The following PCBP3 variants were observed in gnomAD, a reference collection of about 807,000 sequenced individuals.
The protein encoded by PCBP3 is poly(rC)-binding protein 3.
A neutral mutation model predicts 52.7 loss-of-function variants in PCBP3; 25 were observed. The ratio of observed to expected loss-of-function variants is 0.47; its 90% CI spans 0.35 to 0.66. The LOEUF (loss-of-function observed/expected upper bound fraction) is 0.66. Among genes scored for constraint, PCBP3 ranks in the 30% least tolerant of loss-of-function variants. The pLI, the probability that PCBP3 is intolerant of heterozygous loss-of-function variation, is 0.01. For synonymous variants in PCBP3, 162 were observed against 183.0 expected (o/e 0.89, Z 0.93); for missense variants, 391 against 490.3 (o/e 0.80, Z 1.91).
intron 12 of PCBP3, 190 bp downstream of exon 12, chr21:45,914,215 C>T (rs925437337): frequency 4.5e-6 from 4 of 891,174 alleles, no homozygotes; most frequent in Non-Finnish European, 6.6e-6. Flanking sequence ...AGCGGCATTC[C>T]CCCACAGAGA....
chr21:45,823,175 A>G (rs139859542), intron 4 of PCBP3, among the ~76,000 whole-genome samples: 84 of 152,350 alleles, frequency 5.5e-4, no homozygotes, highest in African/African-American at 1.9e-3. Flanking sequence ...AACTGATTGT[A>G]CTGGCACCTT....
At chr21:45,899,532 C>A in intron 6 of PCBP3, 67 bp from the exon 7 acceptor site, 1 of 1,286,594 alleles carries the variant, frequency 7.8e-7, no homozygotes, top group Non-Finnish European at 1.1e-6. Context: ...TCGGTAGTGT[C>A]TGCCTCCAGT....
At chr21:45,931,399 C>A (rs1471062421) in intron 15 of PCBP3, among the ~76,000 whole-genome samples, 3 of 152,236 alleles carry the variant, frequency 2.0e-5, no homozygotes, top group Non-Finnish European at 4.4e-5. Context: ...GGTGGCCAGG[C>A]AGGTGTCCTG....
chr21:45,673,856 CTCTCT>C (rs2081313317), intron 2 of PCBP3: 1 of 152,176 alleles, frequency 6.6e-6, no homozygotes, highest in Admixed American at 6.5e-5. Context: ...GTGAGCATGT[CTCTCT>C]ATGAGTTTTA....
chr21:45,890,044 G>A (rs1239394363), intron 5 of PCBP3, among the ~76,000 whole-genome samples: 2 of 152,262 alleles, frequency 1.3e-5, no homozygotes, highest in Non-Finnish European at 2.9e-5. Context: ...CTTGGCCCAT[G>A]CCAGGGGCTG....
intron 2 of PCBP3, among the ~76,000 whole-genome samples, chr21:45,680,546 GTTTATC>G (rs1037367239): frequency 3.3e-5 from 5 of 152,222 alleles, no homozygotes; most frequent in Middle Eastern, 3.4e-3. Flanking sequence ...ATTTTTGTGT[GTTTATC>G]TTTAGTTTTA....
chr21:45,930,808 C>T lies in PCBP3; in HGVS notation c.819C>T (p.Ser273=), dbSNP rs1205537794. The change falls in exon 15 of 18, where the codon TCC becomes TCT. Residue 273 remains serine, a synonymous_variant. Coordinates refer to ENST00000681687, the MANE Select transcript of PCBP3 (RefSeq NM_001384156.1). ...AFPGEKLPLH[S]SEEAQNLMGQ... is the part of the protein sequence containing the mutation. ...CAGGAGAAAAGCTGCCTTTACACTC[C>T]TCCGAAGAAGCTCAAAATCTGATGG... 7.2e-6 allele frequency: 11 copies of T among 1,521,910 alleles called. No individual in the cohort carries two copies. The highest frequency in any genetic ancestry group is 2.7e-5 in the African/African-American group (2 of 73,294). The allele number at this position is 1,521,910 out of a possible 1,614,324, so 94.3% of individuals were successfully genotyped here. A position where few individuals can be genotyped will look rare whatever the true frequency, so the allele number is the denominator to read the frequency against.
intron 2 of PCBP3, among the ~76,000 whole-genome samples, chr21:45,684,905 T>C (rs758981366): frequency 3.2e-4 from 49 of 152,192 alleles, no homozygotes; most frequent in Admixed American, 1.4e-3. Context: ...GTGATTTACA[T>C]GAGGTTTGAT....
intron 4 of PCBP3, chr21:45,760,008 A>C (rs1319222634): frequency 1.3e-5 from 2 of 152,184 alleles, no homozygotes; most frequent in African/African-American, 4.8e-5. Context: ...ACATTCTATT[A>C]GGTTGGTGCA....
intron 1 of PCBP3, among the ~76,000 whole-genome samples, chr21:45,655,947 C>T (rs958530547): frequency 6.6e-6 from 1 of 152,164 alleles, no homozygotes; most frequent in Non-Finnish European, 1.5e-5. Flanking sequence ...AATGAGATAC[C>T]GTCTCACACC....
intron 1 of PCBP3, among the ~76,000 whole-genome samples, chr21:45,662,785 GC>G (rs1256785617): frequency 6.6e-6 from 1 of 152,172 alleles, no homozygotes; most frequent in African/African-American, 2.4e-5. Flanking sequence ...CCTGGACAGG[GC>G]CATTAGAGGG....
intron 13 of PCBP3, among the ~76,000 whole-genome samples, chr21:45,920,027 G>A (rs1012661134): frequency 1.5e-4 from 22 of 145,890 alleles, no homozygotes; most frequent in African/African-American, 5.6e-4. Flanking sequence ...AGAGATGCAC[G>A]TGTGCAGAGG....
intron 4 of PCBP3, among the ~76,000 whole-genome samples, chr21:45,756,245 G>T (rs971339839): frequency 5.3e-5 from 8 of 152,194 alleles, no homozygotes; most frequent in African/African-American, 1.9e-4. Flanking sequence ...ACAGCGATCT[G>T]TGCTGGCATC....
At chr21:45,864,021 G>T (rs1315388820) in intron 5 of PCBP3, among the ~76,000 whole-genome samples, 1 of 152,220 alleles carries the variant, frequency 6.6e-6, no homozygotes, top group African/African-American at 2.4e-5. Context: ...AGGACCCATA[G>T]CAAGTGTCAA....
rs372983202 is a variant in PCBP3, at chr21:45,853,311, C to T, written c.10+3216C>T. Among the ~76,000 whole-genome samples, 11 of 152,238 alleles carry T rather than the reference C, an allele frequency of 7.2e-5. No homozygotes were observed. The highest frequency in any genetic ancestry group is 5.8e-4 in the East Asian group (3 of 5,186). ...CCTAACTGTGGCAGAAGCCAGATGC[C>T]GTGGGTTGGGTGTGCCAATGGCCCT... On this transcript the variant is annotated intron_variant, in intron 5 of 17. Coordinates refer to ENST00000681687, the MANE Select transcript of PCBP3 (RefSeq NM_001384156.1). This position sits in a 1 kb window ranked among gnomAD's most constrained non-coding sequence, Gnocchi z 4.6.
At chr21:45,691,949 A>G (rs544600332) in intron 2 of PCBP3, among the ~76,000 whole-genome samples, 3 of 152,124 alleles carry the variant, frequency 2.0e-5, no homozygotes, top group Admixed American at 6.5e-5. Flanking sequence ...TAGAATGGCA[A>G]CTCTCCCACG....
intron 2 of PCBP3, among the ~76,000 whole-genome samples, chr21:45,722,633 T>A (rs2084734021): frequency 6.6e-6 from 1 of 152,190 alleles, no homozygotes; most frequent in Admixed American, 6.5e-5. Context: ...AAATATTTTC[T>A]ACAAATACTA....
In PCBP3 at chr21:45,788,881, C is replaced by T. The variant is rs116826661; in HGVS notation, c.-126+33429C>T. 1 of 152,210 alleles carries T rather than the reference C, an allele frequency of 6.6e-6. No individual in the cohort carries two copies. The highest frequency in any genetic ancestry group is 1.5e-5 in the Non-Finnish European group (1 of 68,050). 9.4% of individuals were successfully genotyped at this position (152,210 alleles called of 1,614,324 possible). On this transcript the variant is annotated intron_variant, in intron 4 of 17. Transcript: ENST00000681687. The surrounding 1 kb of genome is among the most constrained non-coding windows in gnomAD (Gnocchi z 4.3). ...GGCAGTTCTCCTCAGGTTAGAAACA[C>T]AGTGGAGCTAATGACACATTTCAGA...
At chr21:45,773,649 T>C (rs1361220619) in intron 4 of PCBP3, among the ~76,000 whole-genome samples, 1 of 152,236 alleles carries the variant, frequency 6.6e-6, no homozygotes, top group Non-Finnish European at 1.5e-5. Flanking sequence ...ACCCTTGTTA[T>C]ATATTTTGAA....
Sources: allele counts gnomAD v4.1 joint callset (sites outside exome capture counted in the v4.1 genomes callset), GRCh38; gene constraint gnomAD v4.1.1; non-coding constraint Gnocchi (gnomAD v3.1); transcripts MANE v1.5; gene names NCBI Gene and HGNC (gene_info 2026-07-23, HGNC 2026-07-21).